The following PDE7B variants were observed in gnomAD, a reference collection of about 807,000 sequenced individuals.
The protein encoded by PDE7B is phosphodiesterase 7B, also known as 3',5'-cyclic-AMP phosphodiesterase 7B.
Under a neutral mutation model 56.2 loss-of-function variants are expected in PDE7B, and 29 were observed. The ratio of observed to expected loss-of-function variants is 0.52; its 90% CI spans 0.38 to 0.70. The LOEUF (loss-of-function observed/expected upper bound fraction) is 0.70, where lower values mean the gene tolerates loss of function less well. PDE7B is among the 30% of genes least tolerant of loss of function. PDE7B has a pLI of 0.00. For missense variants in PDE7B, 490 were observed against 565.0 expected, an observed-to-expected ratio of 0.87 and a Z score of 1.35; for synonymous variants, 197 against 196.9, an observed-to-expected ratio of 1.00 and a Z score of 0.00.
intron 1 of PDE7B, among the ~76,000 whole-genome samples, chr6:135,900,107 TTTTTAAAAAAACATTATC>T (rs1562431066): frequency 6.6e-6 from 1 of 152,082 alleles, no homozygotes; most frequent in Non-Finnish European, 1.5e-5. Flanking sequence ...TGTTCTGGTT[TTTTTAAAAAAACATTATC>T]TTTTAAAAAG....
intron 1 of PDE7B, among the ~76,000 whole-genome samples, chr6:135,882,295 G>C (rs6570050): frequency 0.2 from 29,690 of 152,092 alleles, 5,932 homozygotes; most frequent in African/African-American, 0.51. Flanking sequence ...CTGAGTTACT[G>C]ACAGCGCTAA....
At chr6:136,038,098 C>G in intron 2 of PDE7B, 1 of 1,332,518 alleles carries the variant, frequency 7.5e-7, no homozygotes, top group Non-Finnish European at 9.9e-7. Flanking sequence ...GAGGTTGTGC[C>G]AGGCTGGAGG....
At chr6:136,181,087 G>C in intron 10 of PDE7B, 140 bp from the exon 11 acceptor site, 1 of 655,266 alleles carries the variant, frequency 1.5e-6, no homozygotes, top group Non-Finnish European at 2.8e-6. Context: ...TCCTGAAGAG[G>C]CATGTCAGGG....
intron 2 of PDE7B, among the ~76,000 whole-genome samples, chr6:136,029,222 A>G (rs543804752): frequency 4.6e-5 from 7 of 152,332 alleles, no homozygotes; most frequent in South Asian, 4.1e-4. Flanking sequence ...GAAGTTTTCA[A>G]TGATTAACGA....
At chr6:136,130,215 T>G (rs1778093912) in intron 3 of PDE7B, among the ~76,000 whole-genome samples, 1 of 152,170 alleles carries the variant, frequency 6.6e-6, no homozygotes, top group Non-Finnish European at 1.5e-5. Context: ...CAAGCCCATA[T>G]GGGATTCAGA....
intron 5 of PDE7B, among the ~76,000 whole-genome samples, chr6:136,150,915 C>T (rs1474774056): frequency 6.6e-6 from 1 of 151,922 alleles, no homozygotes; most frequent in Non-Finnish European, 1.5e-5. Context: ...TTCTTTCTAA[C>T]TCTTAATGTC....
chr6:135,968,993 G>T (rs1775047412), intron 2 of PDE7B, among the ~76,000 whole-genome samples: 1 of 152,152 alleles, frequency 6.6e-6, no homozygotes, highest in Non-Finnish European at 1.5e-5. Context: ...GCAGGGACAT[G>T]GATGGAGCTG....
At chr6:136,157,952 T>G (rs1396614320) in intron 8 of PDE7B, among the ~76,000 whole-genome samples, 1 of 152,192 alleles carries the variant, frequency 6.6e-6, no homozygotes, top group Non-Finnish European at 1.5e-5. Flanking sequence ...CATGATTCAG[T>G]GCATACGCTC....
intron 2 of PDE7B, among the ~76,000 whole-genome samples, chr6:135,984,869 CTG>C (rs1301758023): frequency 1.3e-5 from 2 of 151,974 alleles, no homozygotes; most frequent in African/African-American, 4.8e-5. Flanking sequence ...GAGCTTAGAG[CTG>C]TTGCTACACT....
chr6:136,009,974 T>C (rs1775860372), intron 2 of PDE7B, among the ~76,000 whole-genome samples: 1 of 152,188 alleles, frequency 6.6e-6, no homozygotes, highest in African/African-American at 2.4e-5. Context: ...TTCGATTACT[T>C]GTCTTCTGCT....
chr6:135,920,746 T>A (rs7349914), intron 1 of PDE7B, among the ~76,000 whole-genome samples: 44,036 of 152,116 alleles, frequency 0.29, 7,697 homozygotes, highest in Middle Eastern at 0.38. Flanking sequence ...CCTTTCCACG[T>A]CTTTTAAGAG....
intron 1 of PDE7B, among the ~76,000 whole-genome samples, chr6:135,892,732 T>C (rs1775830251): frequency 6.6e-6 from 1 of 152,204 alleles, no homozygotes; most frequent in African/African-American, 2.4e-5. Flanking sequence ...TCGAAGCTCA[T>C]ATATAGAAGA....
chr6:135,895,528 C>G (rs1562429098), intron 1 of PDE7B, among the ~76,000 whole-genome samples: 2 of 152,008 alleles, frequency 1.3e-5, no homozygotes, highest in South Asian at 4.1e-4. Flanking sequence ...ACATCCCCAC[C>G]AAAAAAGTCC....
In PDE7B at chr6:135,931,475, C is replaced by T. The variant is rs369049870; in HGVS notation, c.22-15989C>T. ...ACAAAGGGCTCTGAAAGAATGTTGG[C>T]ATCAGTTAAAGTGAAGGTATGAATG... On this transcript the variant is annotated intron_variant, in intron 1 of 12. Coordinates refer to ENST00000308191, the MANE Select transcript of PDE7B (RefSeq NM_018945.4). Among the ~76,000 whole-genome samples the T allele has an allele frequency of 1.2e-4, 19 of 152,248 alleles. No individual in the cohort carries two copies. The East Asian group carries it at 1.3e-3, about 11-fold the overall frequency.
At chr6:135,910,610 C>A (rs1200488623) in intron 1 of PDE7B, among the ~76,000 whole-genome samples, 1 of 152,060 alleles carries the variant, frequency 6.6e-6, no homozygotes, top group Non-Finnish European at 1.5e-5. Context: ...CATAGAGTCC[C>A]TTAGGGTTCA....
intron 1 of PDE7B, among the ~76,000 whole-genome samples, chr6:135,871,033 A>C (rs569260914): frequency 6.6e-6 from 1 of 152,266 alleles, no homozygotes; most frequent in South Asian, 2.1e-4. Context: ...CTTACTGGTA[A>C]GGGGCTGAGG....
chr6:136,125,076 C>T lies in PDE7B; in HGVS notation c.166+16262C>T, dbSNP rs201575035. 3.9e-5 allele frequency among the ~76,000 whole-genome samples: 6 copies of T among 152,108 alleles called. No homozygotes were observed. The East Asian group carries it at 9.6e-4, about 24-fold the overall frequency. The stretch of plus-strand genomic sequence containing the variant: ...AGGGTGTGACTAGATCATCCTTTAT[C>T]CTTAAGTCATATTTTCCAAATCTTT... On this transcript the variant is annotated intron_variant, in intron 3 of 12. Coordinates refer to ENST00000308191, the MANE Select transcript of PDE7B (RefSeq NM_018945.4).
Position 136,147,355 on chromosome 6 carries a change from A to C in PDE7B, c.171A>C (p.Thr57=). ...PFIDFRLLNS[T]TYSGEIGTKK... ...TGACTTGATGACTTTCCACAGGTAC[A>C]ACATACTCAGGGGAGATTGGCACCA... Residue 57 remains threonine, a synonymous_variant, in exon 4 of 13, where the codon ACA becomes ACC. Coordinates refer to ENST00000308191, the MANE Select transcript of PDE7B (RefSeq NM_018945.4). 6.2e-7 allele frequency: 1 copy of C among 1,610,210 alleles called. No homozygotes were observed. The highest frequency in any genetic ancestry group is 8.5e-7 in the Non-Finnish European group (1 of 1,177,002).
chr6:135,887,242 T>C (rs1490204266), intron 1 of PDE7B, among the ~76,000 whole-genome samples: 1 of 152,154 alleles, frequency 6.6e-6, no homozygotes, highest in African/African-American at 2.4e-5. Context: ...TTGTTTGAGT[T>C]CCTGTGGCTT....
Sources: allele counts gnomAD v4.1 joint callset (sites outside exome capture counted in the v4.1 genomes callset), GRCh38; gene constraint gnomAD v4.1.1; transcripts MANE v1.5; gene names NCBI Gene and HGNC (gene_info 2026-07-23, HGNC 2026-07-21).